PTGES3L: variants seen among roughly 807,000 people sequenced by gnomAD.
PTGES3L encodes the protein putative protein PTGES3L.
A neutral mutation model predicts 25.0 loss-of-function variants in PTGES3L; 17 were observed. The ratio of observed to expected loss-of-function variants is 0.68; its 90% CI spans 0.47 to 1.02. The LOEUF (loss-of-function observed/expected upper bound fraction) is 1.02, where lower values mean the gene tolerates loss of function less well. PTGES3L is among the 50% of genes least tolerant of loss of function. PTGES3L has a pLI of 0.00. For missense variants in PTGES3L, 202 were observed against 197.5 expected, an observed-to-expected ratio of 1.02 and a Z score of -0.14; for synonymous variants, 59 against 65.7, an observed-to-expected ratio of 0.90 and a Z score of 0.50.
chr17:42,972,441 T>C (rs1311939159), intron 4 of PTGES3L, among the ~76,000 whole-genome samples: 1 of 150,900 alleles, frequency 6.6e-6, no homozygotes, highest in Non-Finnish European at 1.5e-5. Context: ...TGCCTGATTC[T>C]CCTGCCTCAG....
chr17:42,973,723 C>G (rs2049901530), intron 4 of PTGES3L, among the ~76,000 whole-genome samples: 1 of 149,332 alleles, frequency 6.7e-6, no homozygotes, highest in African/African-American at 2.5e-5. Flanking sequence ...GAAACATGTG[C>G]TGTGTCCACT....
chr17:42,968,896 C>CA lies in PTGES3L; in HGVS notation c.*251dup. The CA allele has an allele frequency of 1.8e-5, 8 of 453,192 alleles. No homozygotes were observed. Among genetic ancestry groups the CA allele is most frequent in the Non-Finnish European group, 2.8e-5 (7 of 253,398 alleles). The allele number at this position is 453,192 out of a possible 1,614,324, so 28.1% of individuals were successfully genotyped here. A position where few individuals can be genotyped will look rare whatever the true frequency, so the allele number is the denominator to read the frequency against. ...TGGCCTAAACACAGAGATTAGAAAC[C>CA]AATCAGTAAGAAATCAGAAGCCCTA... is the stretch of plus-strand genomic sequence containing the variant. On this transcript the variant is annotated 3_prime_UTR_variant, in exon 7 of 7. Transcript: ENST00000591916.
chr17:42,974,745 C>A (rs1309855690), intron 4 of PTGES3L, among the ~76,000 whole-genome samples: 1 of 145,994 alleles, frequency 6.8e-6, no homozygotes, highest in African/African-American at 2.5e-5. Flanking sequence ...TGTACTCCAA[C>A]CTGGGCGATG....
intron 4 of PTGES3L, chr17:42,972,000 C>T (rs557263242): frequency 9.7e-5 from 27 of 279,386 alleles, no homozygotes; most frequent in African/African-American, 5.5e-4. Context: ...CCAGCCTGGC[C>T]AATATGGTGA....
chr17:42,973,051 G>A (rs1159430208), intron 4 of PTGES3L, among the ~76,000 whole-genome samples: 3 of 135,662 alleles, frequency 2.2e-5, no homozygotes, highest in African/African-American at 2.8e-5. Context: ...CTGCCCGGCC[G>A]CCCCGTCTGA....
intron 1 of PTGES3L, 21 bp downstream of exon 1, chr17:42,980,025 A>G (rs1489574990): frequency 6.5e-7 from 1 of 1,546,682 alleles, no homozygotes; most frequent in Non-Finnish European, 8.7e-7. Context: ...CAGGGGGAGC[A>G]CCGGAGCCGG....
chr17:42,979,968 T>C lies in PTGES3L; in HGVS notation c.8+78A>G, dbSNP rs1304599001. ...GGCTCCCGTGGGGCCTCACAGAACC[T>C]GGAGCGCCCAGAAGACTTGGAGCAG... On this transcript the variant is annotated intron_variant, in intron 1 of 6. Coordinates refer to ENST00000591916, the MANE Select transcript of PTGES3L (RefSeq NM_001261430.2). 2.0e-6 allele frequency: 3 copies of C among 1,481,554 alleles called. No homozygotes were observed. In the East Asian group the frequency reaches 7.4e-5, roughly 37 times the overall value. The allele number at this position is 1,481,554 out of a possible 1,614,324, so 91.8% of individuals were successfully genotyped here.
chr17:42,977,710 A>AAG (rs2049985070), intron 4 of PTGES3L, among the ~76,000 whole-genome samples: 1 of 151,718 alleles, frequency 6.6e-6, no homozygotes, highest in Non-Finnish European at 1.5e-5. Context: ...GAAAGAAAGA[A>AAG]AGAAAAGAAA....
intron 4 of PTGES3L, among the ~76,000 whole-genome samples, chr17:42,977,059 G>A (rs994157750): frequency 2.6e-5 from 4 of 152,142 alleles, no homozygotes; most frequent in Non-Finnish European, 5.9e-5. Flanking sequence ...GGGAGGCTGA[G>A]GCAGGCAGAT....
chr17:42,972,735 G>A (rs1450567242), intron 4 of PTGES3L, among the ~76,000 whole-genome samples: 58 of 152,008 alleles, frequency 3.8e-4, no homozygotes, highest in Non-Finnish European at 6.3e-4. Flanking sequence ...GCCTCTGCCC[G>A]GCCGCCACCC....
intron 4 of PTGES3L, among the ~76,000 whole-genome samples, chr17:42,973,583 C>G (rs1385264015): frequency 4.0e-5 from 6 of 151,758 alleles, no homozygotes; most frequent in African/African-American, 7.2e-5. Flanking sequence ...ATTGAGAAAT[C>G]GGATGGTTGC....
chr17:42,971,562 A>T (rs2049837009), intron 5 of PTGES3L, 45 bp downstream of exon 5: 2 of 1,608,760 alleles, frequency 1.2e-6, no homozygotes, highest in Non-Finnish European at 8.5e-7. Flanking sequence ...AGAGAAACAC[A>T]AAGAATGATC....
rs1482998381 is a variant in PTGES3L at position 42,970,674 on chromosome 17, G to GCACACACACACACACACACACA, written c.379-333_379-332insTGTGTGTGTGTGTGTGTGTGTG. ...CCCATGAAGTTGTCTGGCTTAACAC[G>GCACACACACACACACACACACA]CGCACACACACACACACACACACAC... On this transcript the variant is annotated intron_variant, in intron 5 of 6. Transcript: ENST00000591916. Among the ~76,000 whole-genome samples, 239 of 105,670 alleles carry GCACACACACACACACACACACA rather than the reference G, an allele frequency of 2.3e-3. 5 individuals carry two copies. The highest frequency in any genetic ancestry group is 7.2e-3 in the African/African-American group (219 of 30,612). 69.3% of individuals were successfully genotyped at this position (105,670 alleles called of 152,430 possible).
chr17:42,979,973 C>A (rs915393496), intron 1 of PTGES3L, 73 bp downstream of exon 1: 5 of 1,484,494 alleles, frequency 3.4e-6, no homozygotes, highest in East Asian at 2.5e-5. Context: ...GAACCTGGAG[C>A]GCCCAGAAGA....
intron 4 of PTGES3L, among the ~76,000 whole-genome samples, chr17:42,975,169 G>A (rs1383365234): frequency 6.9e-6 from 1 of 145,626 alleles, no homozygotes; most frequent in Non-Finnish European, 1.5e-5. Flanking sequence ...TCAACACACT[G>A]TCCCAGCCAC....
intron 4 of PTGES3L, 101 bp from the exon 5 acceptor site, chr17:42,971,797 G>T (rs1333359433): frequency 3.6e-6 from 4 of 1,125,496 alleles, no homozygotes; most frequent in African/African-American, 1.5e-5. Context: ...GGGAAAAGAG[G>T]GTCAGTAGGT....
intron 4 of PTGES3L, among the ~76,000 whole-genome samples, chr17:42,972,621 G>A (rs1189215088): frequency 6.6e-6 from 1 of 152,108 alleles, no homozygotes; most frequent in Non-Finnish European, 1.5e-5. Context: ...CGTTCACTCA[G>A]TGCTCAATGG....
Position 42,969,069 on chromosome 17 carries a change from G to A in PTGES3L, c.*79C>T. 9.1e-7 allele frequency: 1 copy of A among 1,101,282 alleles called. No individual in the cohort carries two copies. 68.2% of individuals were successfully genotyped at this position (1,101,282 alleles called of 1,614,324 possible). On this transcript the variant is annotated 3_prime_UTR_variant, in exon 7 of 7. Coordinates refer to ENST00000591916, the MANE Select transcript of PTGES3L (RefSeq NM_001261430.2). The stretch of plus-strand genomic sequence containing the variant: ...GAACTTGGTGCACAGCCAAAGCGCT[G>A]ACAAAGGCCTAGGCGCTAGCTTTCT...
chr17:42,972,238 A>T (rs2049854316), intron 4 of PTGES3L: 1 of 152,612 alleles, frequency 6.6e-6, no homozygotes, highest in Non-Finnish European at 1.4e-5. Flanking sequence ...GAGCCGATTG[A>T]CTGAGGAGAC....
Sources: allele counts gnomAD v4.1 joint callset (sites outside exome capture counted in the v4.1 genomes callset), GRCh38; gene constraint gnomAD v4.1.1; transcripts MANE v1.5; gene names NCBI Gene and HGNC (gene_info 2026-07-23, HGNC 2026-07-21).